TBX20: variants seen among roughly 807,000 people sequenced by gnomAD.
The protein encoded by TBX20 is T-box transcription factor TBX20.
Under a neutral mutation model 42.9 loss-of-function variants are expected in TBX20, and 8 were observed. The observed-to-expected ratio is 0.19, with a 90% CI of 0.11 to 0.34. TBX20 has a LOEUF of 0.34. TBX20 is among the 10% of genes least tolerant of loss of function. The pLI is 1.00. For missense variants in TBX20, 411 were observed against 566.0 expected (o/e 0.73, Z 2.78); for synonymous variants, 198 against 222.8 (o/e 0.89, Z 0.99).
chr7:35,240,783 T>A, intron 5 of TBX20, 96 bp downstream of exon 5: 1 of 1,162,194 alleles, frequency 8.6e-7, no homozygotes. Flanking sequence ...TGAACATCCA[T>A]TTTGAGTACT....
At position 35,204,457 on chromosome 7, in the gene TBX20, G is replaced by A. The variant is rs1217505191; in HGVS notation, c.1003+13C>T. On this transcript the variant is annotated intron_variant, in intron 7 of 7. Coordinates refer to ENST00000408931, the MANE Select transcript of TBX20 (RefSeq NM_001077653.2). ...GCCTCCCAGCAATTCCATGGCCTTGGAAACTACCTTACCTCGATTTGGGGT... is the reference window on the plus strand; with the variant it reads ...GCCTCCCAGCAATTCCATGGCCTTGAAAACTACCTTACCTCGATTTGGGGT... 6.3e-7 allele frequency: 1 copy of A among 1,596,530 alleles called. No individual in the cohort carries two copies. The highest frequency in any genetic ancestry group is 8.6e-7 in the Non-Finnish European group (1 of 1,164,414).
intron 5 of TBX20, among the ~76,000 whole-genome samples, chr7:35,235,690 A>G (rs1223284622): frequency 3.9e-5 from 6 of 152,206 alleles, no homozygotes; most frequent in African/African-American, 1.2e-4. Flanking sequence ...TTTAAATAAT[A>G]TAGAACATAA....
At chr7:35,204,086 G>T (rs1406928408) in intron 7 of TBX20, among the ~76,000 whole-genome samples, 6 of 152,146 alleles carry the variant, frequency 3.9e-5, no homozygotes, top group African/African-American at 1.4e-4. Flanking sequence ...TGACATAGAT[G>T]GAACAGATAT....
chr7:35,250,780 C>T (rs555897676), intron 1 of TBX20, among the ~76,000 whole-genome samples: 1 of 152,312 alleles, frequency 6.6e-6, no homozygotes, highest in South Asian at 2.1e-4. Flanking sequence ...GTTACTTCAC[C>T]TCTGTGCCTG....
intron 4 of TBX20, among the ~76,000 whole-genome samples, chr7:35,242,170 G>A (rs912435679): frequency 9.2e-5 from 14 of 152,292 alleles, no homozygotes; most frequent in Middle Eastern, 3.4e-3. Flanking sequence ...TGTTTCTGCC[G>A]ATTGACTTTA....
intron 5 of TBX20, among the ~76,000 whole-genome samples, chr7:35,236,179 AT>A (rs61075772): frequency 2.4e-4 from 36 of 152,100 alleles, no homozygotes; most frequent in Non-Finnish European, 3.8e-4. Context: ...TAAATGAGGA[AT>A]TTTTTCACAA....
Position 35,253,666 on chromosome 7 carries a change from G to T in TBX20, c.-46C>A. On this transcript the variant is annotated 5_prime_UTR_variant, in exon 1 of 8. Coordinates refer to ENST00000408931, the MANE Select transcript of TBX20 (RefSeq NM_001077653.2). Reference sequence around the variant, plus strand: ...GGCCAGGGACGGGGTCGTCCGAACTGCCGTCCAGATTCCCCAAGGGAGACA... The same window carrying T: ...GGCCAGGGACGGGGTCGTCCGAACTTCCGTCCAGATTCCCCAAGGGAGACA... The T allele has an allele frequency of 6.3e-7, 1 of 1,597,942 alleles. No individual in the cohort carries two copies. Among genetic ancestry groups the T allele is most frequent in the Non-Finnish European group, 8.5e-7 (1 of 1,173,828 alleles).
At position 35,222,189 on chromosome 7, in the gene TBX20, C is replaced by T. The variant is rs536241925; in HGVS notation, c.890+9315G>A. ...GAATTTGGATAAATTATTAGTATCT[C>T]GAAGCTTTCATGATCTCATCTACAA... On this transcript the variant is annotated intron_variant, in intron 6 of 7. Transcript: ENST00000408931. 3.9e-4 allele frequency among the ~76,000 whole-genome samples: 59 copies of T among 152,084 alleles called. 1 individual carries two copies. In the South Asian group the frequency reaches 0.012, roughly 30 times the overall value.
intron 3 of TBX20, among the ~76,000 whole-genome samples, chr7:35,248,147 T>C (rs555238367): frequency 9.1e-4 from 138 of 152,304 alleles, no homozygotes; most frequent in Middle Eastern, 6.8e-3. Context: ...CTTGGCTTTA[T>C]TTTTTTACTT....
At chr7:35,237,279 A>C (rs1163594743) in intron 5 of TBX20, among the ~76,000 whole-genome samples, 7 of 151,818 alleles carry the variant, frequency 4.6e-5, no homozygotes, top group Admixed American at 3.3e-4. Context: ...AGATTTTTCT[A>C]AATTAAAAGT....
chr7:35,237,463 A>G (rs1040658093), intron 5 of TBX20, among the ~76,000 whole-genome samples: 2 of 151,936 alleles, frequency 1.3e-5, no homozygotes, highest in Non-Finnish European at 2.9e-5. Context: ...TAGTGTTCTC[A>G]TTGTCAGAAT....
intron 6 of TBX20, among the ~76,000 whole-genome samples, chr7:35,215,399 C>T (rs1030961201): frequency 2.0e-5 from 3 of 152,232 alleles, no homozygotes; most frequent in Admixed American, 2.0e-4. Flanking sequence ...CTGTTTCCAG[C>T]AGAACGAGAA....
chr7:35,213,813 G>T (rs1374015431), intron 6 of TBX20, among the ~76,000 whole-genome samples: 2 of 142,124 alleles, frequency 1.4e-5, no homozygotes, highest in Non-Finnish European at 3.0e-5. Flanking sequence ...TGCCTCACAG[G>T]GCCACTCATT....
At chr7:35,244,531 T>C (rs1469761618) in intron 4 of TBX20, among the ~76,000 whole-genome samples, 3 of 152,240 alleles carry the variant, frequency 2.0e-5, no homozygotes, top group African/African-American at 7.2e-5. Flanking sequence ...GACTACACTT[T>C]GGGAAACCCC....
intron 4 of TBX20, among the ~76,000 whole-genome samples, chr7:35,242,958 C>A (rs1296061709): frequency 6.6e-6 from 1 of 152,140 alleles, no homozygotes; most frequent in Non-Finnish European, 1.5e-5. Flanking sequence ...CACACTAATT[C>A]TGGTGACAAA....
intron 5 of TBX20, among the ~76,000 whole-genome samples, chr7:35,238,995 T>A (rs1790022643): frequency 6.6e-6 from 1 of 152,070 alleles, no homozygotes; most frequent in South Asian, 2.1e-4. Context: ...TTCCAAAGGC[T>A]TAAACAAGCC....
At position 35,249,939 on chromosome 7, in the gene TBX20, A is replaced by G. The variant is rs1790271466; in HGVS notation, c.380+12T>C. 6.3e-7 allele frequency: 1 copy of G among 1,593,426 alleles called. No homozygotes were observed. Among genetic ancestry groups the G allele is most frequent in the African/African-American group, 1.3e-5 (1 of 74,276 alleles). On this transcript the variant is annotated intron_variant, in intron 2 of 7. Coordinates refer to ENST00000408931, the MANE Select transcript of TBX20 (RefSeq NM_001077653.2). This position sits in a 1 kb window ranked among gnomAD's most constrained non-coding sequence, Gnocchi z 4.3. ...CTCCACCCCCAACCCCCAACCCCCA[A>G]GTCCCAACTACCTGCCCGACTTGGT...
rs1162498590 is a variant in TBX20, at chr7:35,245,052, T to C, written c.551A>G (p.Tyr184Cys). 1.9e-6 allele frequency: 3 copies of C among 1,611,438 alleles called. No individual in the cohort carries two copies. Among genetic ancestry groups the C allele is most frequent in the East Asian group, 2.2e-5 (1 of 44,862 alleles). ...KADPPLPARL[Y>C]VHPDSPFTGE... Reference sequence around the variant, plus strand: ...GGTAAAAGGAGAATCTGGATGCACATAGAGCCTAAGAAAATTAGGAGAAAA... The same window carrying C: ...GGTAAAAGGAGAATCTGGATGCACACAGAGCCTAAGAAAATTAGGAGAAAA... The change falls in exon 4 of 8, where the codon TAT (tyrosine) becomes TGT (cysteine). Residue 184 changes from tyrosine (Y) to cysteine (C), a missense_variant. Around this residue, in one of 5 missense-constraint regions of TBX20, gnomAD observed 121 missense variants for 165.9 expected, o/e 0.73. Coordinates refer to ENST00000408931, the MANE Select transcript of TBX20 (RefSeq NM_001077653.2).
Position 35,253,628 on chromosome 7 carries a change from A to G in TBX20, c.-8T>C. On this transcript the variant is annotated 5_prime_UTR_variant, in exon 1 of 8. Coordinates refer to ENST00000408931, the MANE Select transcript of TBX20 (RefSeq NM_001077653.2). ...GGACGCCGTGAACTCCATGGTCCCC[A>G]GCACGCGGTCCTGGCCAGGGACGGG... 6.2e-7 allele frequency: 1 copy of G among 1,611,186 alleles called. No individual in the cohort carries two copies. The highest frequency in any genetic ancestry group is 8.5e-7 in the Non-Finnish European group (1 of 1,179,742).
Sources: allele counts gnomAD v4.1 joint callset (sites outside exome capture counted in the v4.1 genomes callset), GRCh38; gene constraint gnomAD v4.1.1; regional missense constraint gnomAD v4.1.1; non-coding constraint Gnocchi (gnomAD v3.1); transcripts MANE v1.5; gene names NCBI Gene and HGNC (gene_info 2026-07-23, HGNC 2026-07-21).